Variants in C6orf89 observed in about 807,000 individuals in gnomAD.
The protein encoded by C6orf89 is chromosome 6 open reading frame 89.
In C6orf89, 29 loss-of-function variants were observed where a neutral mutation model predicts 40.7. The observed-to-expected ratio is 0.71, with a 90% CI of 0.53 to 0.97. The LOEUF (loss-of-function observed/expected upper bound fraction) is 0.97. C6orf89 is among the 50% of genes least tolerant of loss of function. The probability of loss-of-function intolerance (pLI) is 0.00; values close to 1 mark genes in which losing one functional copy is unlikely to be tolerated. For missense variants in C6orf89, 392 were observed against 429.1 expected, an observed-to-expected ratio of 0.91 and a Z score of 0.76; for synonymous variants, 165 against 152.2, an observed-to-expected ratio of 1.08 and a Z score of -0.62.
chr6:36,876,739 A>AAAAG (rs1554133774), intron 1 of C6orf89, among the ~76,000 whole-genome samples: 21 of 125,600 alleles, frequency 1.7e-4, no homozygotes, highest in Non-Finnish European at 3.4e-4. Flanking sequence ...AAAAAAAAAA[A>AAAAG]AAGAAGAAGA....
rs547877364 is a variant in C6orf89 at position 36,922,232 on chromosome 6, C to T, written c.950-1115C>T. On this transcript the variant is annotated intron_variant, in intron 8 of 8. Transcript: ENST00000480824. ...GTGTGCACCTGTAATCCCAGCTACT[C>T]GGGAGGCTGAGGCAGGAGAATTGCT... 2.1e-4 allele frequency among the ~76,000 whole-genome samples: 32 copies of T among 151,472 alleles called. No homozygotes were observed. In the East Asian group the frequency reaches 5.6e-3, roughly 27 times the overall value.
chr6:36,886,807 T>C (rs895995582), intron 1 of C6orf89, among the ~76,000 whole-genome samples: 2 of 152,244 alleles, frequency 1.3e-5, no homozygotes, highest in Non-Finnish European at 2.9e-5. Context: ...CTTAATAAAT[T>C]CGTTCATTTG....
chr6:36,919,406 T>G lies in C6orf89; in HGVS notation c.826-172T>G, dbSNP rs118126469. ...ATGCCATTCTTAGGAGAAAGTAGTT[T>G]GTTTTTGTCTTTTGGACATAATTGC... On this transcript the variant is annotated intron_variant, in intron 7 of 8. Coordinates refer to ENST00000480824, the MANE Select transcript of C6orf89 (RefSeq NM_001286635.2). 2.8e-3 allele frequency among the ~76,000 whole-genome samples: 420 copies of G among 152,382 alleles called. 9 individuals carry two copies. In the East Asian group the frequency reaches 0.065, roughly 24 times the overall value.
At chr6:36,890,260 G>A (rs1481089931) in intron 1 of C6orf89, among the ~76,000 whole-genome samples, 1 of 152,148 alleles carries the variant, frequency 6.6e-6, no homozygotes, top group Non-Finnish European at 1.5e-5. Context: ...TATTCATCTT[G>A]TATAACTGAA....
chr6:36,899,143 A>G (rs1452223283), intron 2 of C6orf89, among the ~76,000 whole-genome samples: 2 of 152,180 alleles, frequency 1.3e-5, no homozygotes. Flanking sequence ...CCATTAGGAT[A>G]TATTGTGCTC....
At chr6:36,901,475 C>A (rs1420799850) in intron 3 of C6orf89, among the ~76,000 whole-genome samples, 1 of 147,420 alleles carries the variant, frequency 6.8e-6, no homozygotes, top group Non-Finnish European at 1.5e-5. Context: ...GCTGAGACTA[C>A]AGGCGCCCAT....
intron 1 of C6orf89, among the ~76,000 whole-genome samples, chr6:36,876,724 CAA>C (rs71540176): frequency 1.6e-4 from 15 of 92,140 alleles, no homozygotes; most frequent in Admixed American, 2.3e-4. Context: ...AACTCCATCT[CAA>C]AAAAAAAAAA....
intron 2 of C6orf89, among the ~76,000 whole-genome samples, chr6:36,898,623 C>G (rs575817536): frequency 6.6e-6 from 1 of 152,226 alleles, no homozygotes; most frequent in East Asian, 1.9e-4. Flanking sequence ...AGAGAGAACT[C>G]TACTTTGCCC....
rs1041089045 is a variant in C6orf89, at chr6:36,872,974, CTATAAG to C, written c.-628+1012_-628+1017del. ...CAGTGCCTTGCACAGTGTAAACACT[CTATAAG>C]TATATGAGGAGTGTGCTAGAAAATA... On this transcript the variant is annotated intron_variant, in intron 1 of 9. Transcript: ENST00000359359. 5.3e-5 allele frequency among the ~76,000 whole-genome samples: 8 copies of C among 152,208 alleles called. No homozygotes were observed. In the East Asian group the frequency reaches 5.8e-4, roughly 11 times the overall value.
At position 36,902,405 on chromosome 6, in the gene C6orf89, A is replaced by T. The variant is rs1761759227; in HGVS notation, c.374A>T (p.His125Leu). 9 of 1,614,216 alleles carry T rather than the reference A, an allele frequency of 5.6e-6. No homozygotes were observed. Among genetic ancestry groups the T allele is most frequent in the Non-Finnish European group, 7.6e-6 (9 of 1,180,036 alleles). ...TCAGAAAATAAGGGAGTTCCTCTGCATGGGGGTGATGAAGACAGACCCTTT... is the reference window on the plus strand; with the variant it reads ...TCAGAAAATAAGGGAGTTCCTCTGCTTGGGGGTGATGAAGACAGACCCTTT... ...YMSENKGVPL[H>L]GGDEDRPFPD... Residue 125 changes from histidine to leucine, a missense_variant, in exon 4 of 9, where the codon CAT (histidine) becomes CTT (leucine). Coordinates refer to ENST00000480824, the MANE Select transcript of C6orf89 (RefSeq NM_001286635.2).
rs1370610473 is a variant in C6orf89, at chr6:36,923,357, C to T, written c.960C>T (p.Asp320=). ...PIEPGDIGYV[D]TTHWKVYVIA... Reference sequence around the variant, plus strand: ...CTATTTCCCCTCAAGGCTATGTCGACACCACCCACTGGAAGGTCTACGTTA... The same window carrying T: ...CTATTTCCCCTCAAGGCTATGTCGATACCACCCACTGGAAGGTCTACGTTA... Residue 320 remains aspartate (D), a synonymous_variant, in exon 9 of 9, where the codon GAC becomes GAT. Coordinates refer to ENST00000480824, the MANE Select transcript of C6orf89 (RefSeq NM_001286635.2). 6.2e-7 allele frequency: 1 copy of T among 1,613,666 alleles called. No homozygotes were observed. The highest frequency in any genetic ancestry group is 1.1e-5 in the South Asian group (1 of 91,058).
At position 36,888,620 on chromosome 6, in the gene C6orf89, G is replaced by A. The variant is rs115997039; in HGVS notation, c.-120+2592G>A. ...CTGCACTCCAGCCTGAGCGAAGAGTGAGACCCTGTCTCAGAAAATAAAAAT... is the reference window on the plus strand; with the variant it reads ...CTGCACTCCAGCCTGAGCGAAGAGTAAGACCCTGTCTCAGAAAATAAAAAT... On this transcript the variant is annotated intron_variant, in intron 1 of 8. Coordinates refer to ENST00000480824, the MANE Select transcript of C6orf89 (RefSeq NM_001286635.2). Among the ~76,000 whole-genome samples the A allele has an allele frequency of 4.4e-3, 675 of 152,286 alleles. 5 individuals carry two copies. The highest frequency in any genetic ancestry group is 0.014 in the African/African-American group (597 of 41,546).
chr6:36,883,346 C>A (rs1273085113), upstream of C6orf89: 1 of 152,094 alleles, frequency 6.6e-6, no homozygotes, highest in Admixed American at 6.5e-5. Context: ...CCATTGGAAC[C>A]CTTAAGGTAA....
chr6:36,904,844 C>A (rs567815602), intron 4 of C6orf89, among the ~76,000 whole-genome samples: 1 of 152,048 alleles, frequency 6.6e-6, no homozygotes, highest in African/African-American at 2.4e-5. Flanking sequence ...AGTGGCACCT[C>A]GGGAATGATG....
chr6:36,890,945 G>A (rs1761187344), intron 1 of C6orf89, among the ~76,000 whole-genome samples: 1 of 152,036 alleles, frequency 6.6e-6, no homozygotes, highest in African/African-American at 2.4e-5. Context: ...CCTTTTAATT[G>A]ATGTTTGTTT....
At position 36,928,661 on chromosome 6, in the gene C6orf89, T is replaced by G. The variant is rs8472; in HGVS notation, c.*5220T>G. On this transcript the variant is annotated 3_prime_UTR_variant, in exon 9 of 9. Transcript: ENST00000480824. ...ATGCCGAGGGTCGGGGAAGGAGGAG[T>G]CACAGGCAAGACAGGGACTCAGCGC... is the stretch of plus-strand genomic sequence containing the variant. The G allele has an allele frequency of 0.59, 89,252 of 151,836 alleles. 26,937 individuals are homozygous for G. Among genetic ancestry groups the G allele is most frequent in the African/African-American group, 0.71 (29,492 of 41,406 alleles). 9.4% of individuals were successfully genotyped at this position (151,836 alleles called of 1,614,324 possible).
intron 1 of C6orf89, among the ~76,000 whole-genome samples, chr6:36,878,391 A>G (rs1216236018): frequency 6.6e-6 from 1 of 152,256 alleles, no homozygotes; most frequent in Non-Finnish European, 1.5e-5. Context: ...CGCTACACAC[A>G]GGGCAGGTTA....
chr6:36,922,061 G>A (rs1385515872), intron 8 of C6orf89, among the ~76,000 whole-genome samples: 2 of 152,164 alleles, frequency 1.3e-5, no homozygotes, highest in African/African-American at 2.4e-5. Flanking sequence ...TTAAAGCCAT[G>A]CGCGATGGCT....
intron 2 of C6orf89, among the ~76,000 whole-genome samples, chr6:36,895,729 T>C (rs114131260): frequency 6.6e-6 from 1 of 152,354 alleles, no homozygotes; most frequent in African/African-American, 2.4e-5. Flanking sequence ...CTCTACCACA[T>C]TGTGATTATC....
Sources: allele counts gnomAD v4.1 joint callset (sites outside exome capture counted in the v4.1 genomes callset), GRCh38; gene constraint gnomAD v4.1.1; transcripts MANE v1.5; gene names NCBI Gene and HGNC (gene_info 2026-07-23, HGNC 2026-07-21).